The following STAU1 variants were observed in gnomAD, a reference collection of about 807,000 sequenced individuals.
STAU1 encodes the protein staufen double-stranded RNA binding protein 1, also known as double-stranded RNA-binding protein Staufen homolog 1.
STAU1 carries 13 observed loss-of-function variants against 62.9 expected under a neutral mutation model. The observed-to-expected ratio is 0.21, with a 90% CI of 0.13 to 0.33. The LOEUF (loss-of-function observed/expected upper bound fraction) is 0.33, where lower values mean the gene tolerates loss of function less well. STAU1 is among the 10% of genes least tolerant of loss of function. STAU1 has a pLI of 1.00. For synonymous variants in STAU1, 269 were observed against 265.1 expected, an observed-to-expected ratio of 1.01 and a Z score of -0.14; for missense variants, 571 against 712.1, an observed-to-expected ratio of 0.80 and a Z score of 2.25.
At chr20:49,120,189 GAATTGGTGT>G in intron 8 of STAU1, 61 bp from the exon 9 acceptor site, 4 of 1,543,292 alleles carry the variant, frequency 2.6e-6, no homozygotes, top group Non-Finnish European at 3.5e-6. Flanking sequence ...AACCAGGCAG[GAATTGGTGT>G]GTCAGCAAAA....
rs749613979 is a variant in STAU1 at position 49,117,749 on chromosome 20, G to C, written c.1509+28C>G. On this transcript the variant is annotated intron_variant, in intron 11 of 13. Coordinates refer to ENST00000371856, the MANE Select transcript of STAU1 (RefSeq NM_017453.4). This position sits in a 1 kb window ranked among gnomAD's most constrained non-coding sequence, Gnocchi z 4.6. ...CAAAAGATGACTGTCCTGAGGCACA[G>C]CCATCACAGCTCAGGCCAGACAGTT... 1.9e-6 allele frequency: 3 copies of C among 1,574,120 alleles called. No individual in the cohort carries two copies. The Admixed American group carries it at 5.3e-5, about 28-fold the overall frequency.
chr20:49,169,597 T>C (rs1414436587), intron 2 of STAU1, among the ~76,000 whole-genome samples: 1 of 152,222 alleles, frequency 6.6e-6, no homozygotes, highest in Non-Finnish European at 1.5e-5. Context: ...GTTAGAGTCT[T>C]CTTAGAGACA....
chr20:49,157,730 G>A (rs1238736028), intron 3 of STAU1, among the ~76,000 whole-genome samples: 2 of 151,600 alleles, frequency 1.3e-5, no homozygotes, highest in African/African-American at 2.4e-5. Context: ...TGCCCGCCTT[G>A]GACTCTCAAA....
chr20:49,183,974 G>A (rs547481935), intron 1 of STAU1, among the ~76,000 whole-genome samples: 37 of 147,872 alleles, frequency 2.5e-4, no homozygotes, highest in Non-Finnish European at 4.7e-4. Flanking sequence ...TTGTTGCCCC[G>A]GCTGGAGTGC....
chr20:49,130,807 G>GTGCTT (rs1242198420), intron 6 of STAU1, among the ~76,000 whole-genome samples: 3 of 152,122 alleles, frequency 2.0e-5, no homozygotes. Context: ...GGAGGCCAAG[G>GTGCTT]TGCATGCCTA....
upstream of STAU1, among the ~76,000 whole-genome samples, chr20:49,188,846 A>T (rs565379106): frequency 6.6e-6 from 1 of 152,122 alleles, no homozygotes; most frequent in East Asian, 1.9e-4. Flanking sequence ...GCCCTCGTGG[A>T]GCTTACATTC....
the STAU1 span, among the ~76,000 whole-genome samples, chr20:49,206,046 C>T: frequency 2.8e-5 from 4 of 144,884 alleles, no homozygotes; most frequent in South Asian, 4.5e-4. Flanking sequence ...TGCAGTGGCA[C>T]GATCTCGGCT....
At chr20:49,209,450 A>AAG in the STAU1 span, among the ~76,000 whole-genome samples, 1 of 151,488 alleles carries the variant, frequency 6.6e-6, no homozygotes, top group East Asian at 1.9e-4. Flanking sequence ...AAAAAAAAAA[A>AAG]AAAAAAAAGG....
chr20:49,195,925 G>A, the STAU1 span, among the ~76,000 whole-genome samples: 451 of 93,156 alleles, frequency 4.8e-3, no homozygotes, highest in Middle Eastern at 0.023. Flanking sequence ...AAAGAAAAAA[G>A]AAAAAAAAAA....
the STAU1 span, among the ~76,000 whole-genome samples, chr20:49,209,078 G>A: frequency 6.6e-6 from 1 of 151,832 alleles, no homozygotes; most frequent in Non-Finnish European, 1.5e-5. Flanking sequence ...TGGGATTACA[G>A]GCACATACCG....
At chr20:49,165,143 C>A (rs1391449637) in intron 3 of STAU1, among the ~76,000 whole-genome samples, 2 of 152,020 alleles carry the variant, frequency 1.3e-5, no homozygotes, top group Non-Finnish European at 2.9e-5. Flanking sequence ...CTCCTGGGTT[C>A]AAGTGATTCT....
At chr20:49,125,071 TAAA>T (rs11473077) in intron 6 of STAU1, among the ~76,000 whole-genome samples, 1,316 of 83,826 alleles carry the variant, frequency 0.016, 36 homozygotes, top group African/African-American at 0.053. Flanking sequence ...ACACATTAAG[TAAA>T]AAAAAAAAAA....
chr20:49,178,298 C>T (rs2093683868), intron 1 of STAU1, among the ~76,000 whole-genome samples: 2 of 151,984 alleles, frequency 1.3e-5, no homozygotes, highest in South Asian at 4.1e-4. Flanking sequence ...GCACACTTAC[C>T]ACTGCAATTT....
intron 6 of STAU1, among the ~76,000 whole-genome samples, chr20:49,128,952 TAAC>T (rs2092692542): frequency 6.6e-6 from 1 of 152,044 alleles, no homozygotes; most frequent in Non-Finnish European, 1.5e-5. Context: ...ATAAAAAATT[TAAC>T]AAACTACACC....
chr20:49,171,579 A>G (rs1023161291), intron 2 of STAU1, among the ~76,000 whole-genome samples: 3 of 152,132 alleles, frequency 2.0e-5, no homozygotes, highest in Admixed American at 6.5e-5. Context: ...GAGCCACCGC[A>G]CCCAGCCTAT....
chr20:49,166,249 G>T lies in STAU1; in HGVS notation c.-48C>A, dbSNP rs41283570. 12 of 1,555,382 alleles carry T rather than the reference G, an allele frequency of 7.7e-6. No homozygotes were observed. Among genetic ancestry groups the T allele is most frequent in the Non-Finnish European group, 1.1e-5 (12 of 1,128,808 alleles). On this transcript the variant is annotated 5_prime_UTR_variant, in exon 3 of 14. Transcript: ENST00000371856. The stretch of plus-strand genomic sequence containing the variant: ...CAAATGCAGGTAAACAGCTTTCAGT[G>T]CAGGTTAATTCAGTGCTATGAAGTC...
chr20:49,115,179 A>G (rs1303481848), intron 13 of STAU1, among the ~76,000 whole-genome samples: 2 of 151,702 alleles, frequency 1.3e-5, no homozygotes, highest in African/African-American at 4.9e-5. Context: ...TAAAAATGTG[A>G]TCTATGGGGG....
intron 5 of STAU1, among the ~76,000 whole-genome samples, chr20:49,140,838 AC>A (rs1380770435): frequency 6.6e-6 from 1 of 152,238 alleles, no homozygotes; most frequent in African/African-American, 2.4e-5. Context: ...AAAATGTTTC[AC>A]ACCAAATATT....
chr20:49,146,600 G>A (rs1004327892), intron 5 of STAU1, among the ~76,000 whole-genome samples: 11 of 151,778 alleles, frequency 7.2e-5, no homozygotes, highest in Admixed American at 7.2e-4. Context: ...TACTTAGGAG[G>A]CTGAGATGGG....
Sources: gnomAD v4.1 joint callset for allele counts (sites outside exome capture counted in the v4.1 genomes callset) on GRCh38, gnomAD v4.1.1 for gene constraint, Gnocchi (gnomAD v3.1) non-coding constraint, MANE v1.5 for transcripts, NCBI Gene and HGNC (gene_info 2026-07-23, HGNC 2026-07-21) for gene names.